CCSER1: variants seen among roughly 807,000 people sequenced by gnomAD.
CCSER1 encodes the protein coiled-coil serine rich protein 1.
CCSER1 carries 41 observed loss-of-function variants against 82.0 expected under a neutral mutation model. The ratio of observed to expected loss-of-function variants is 0.50; its 90% CI spans 0.39 to 0.65. The LOEUF is 0.65. Among genes scored for constraint, CCSER1 ranks in the 30% least tolerant of loss-of-function variants. The pLI is 0.00. For synonymous variants in CCSER1, 414 were observed against 383.9 expected, an observed-to-expected ratio of 1.08 and a Z score of -0.92; for missense variants, 1,119 against 1,064.2, an observed-to-expected ratio of 1.05 and a Z score of -0.72.
chr4:91,317,212 A>G (rs1578182582), intron 10 of CCSER1, among the ~76,000 whole-genome samples: 1 of 151,910 alleles, frequency 6.6e-6, no homozygotes, highest in Non-Finnish European at 1.5e-5. Context: ...AGAATGTGTA[A>G]CCCAACCAGG....
intron 6 of CCSER1, among the ~76,000 whole-genome samples, chr4:90,697,084 C>A (rs189248029): frequency 6.6e-6 from 1 of 152,094 alleles, no homozygotes; most frequent in Non-Finnish European, 1.5e-5. Context: ...ACTGTGGCTG[C>A]GTGTAAGGAA....
intron 5 of CCSER1, among the ~76,000 whole-genome samples, chr4:90,555,319 CAT>C: frequency 6.6e-6 from 1 of 152,222 alleles, no homozygotes; most frequent in Admixed American, 6.5e-5. Flanking sequence ...TCCAAAGACA[CAT>C]GTTTTGGCAA....
At chr4:90,849,023 A>AT (rs1438276642) in intron 8 of CCSER1, among the ~76,000 whole-genome samples, 2 of 152,262 alleles carry the variant, frequency 1.3e-5, no homozygotes, top group South Asian at 2.1e-4. Context: ...AGTCTCAGGT[A>AT]TTTTTTTATA....
At chr4:90,155,411 A>T (rs1382390378) in intron 1 of CCSER1, among the ~76,000 whole-genome samples, 4 of 152,014 alleles carry the variant, frequency 2.6e-5, no homozygotes, top group Admixed American at 6.6e-5. Context: ...GTTAGGGAGG[A>T]TTCCCTCTTT....
chr4:91,486,387 T>G (rs1317723736), intron 10 of CCSER1, among the ~76,000 whole-genome samples: 1 of 152,070 alleles, frequency 6.6e-6, no homozygotes, highest in Non-Finnish European at 1.5e-5. Context: ...AGAGACACTT[T>G]TTTGAAATAT....
intron 9 of CCSER1, among the ~76,000 whole-genome samples, chr4:91,004,662 A>G (rs1283397387): frequency 3.9e-5 from 6 of 152,232 alleles, no homozygotes; most frequent in Non-Finnish European, 7.3e-5. Context: ...TATCAGACAA[A>G]TATAATCTTA....
chr4:91,265,218 T>A (rs1366833392), intron 10 of CCSER1, among the ~76,000 whole-genome samples: 1 of 152,018 alleles, frequency 6.6e-6, no homozygotes, highest in Non-Finnish European at 1.5e-5. Context: ...TCTTTGGAAC[T>A]TTGATTAATT....
chr4:91,315,099 C>A (rs899577333), intron 10 of CCSER1, among the ~76,000 whole-genome samples: 1 of 151,644 alleles, frequency 6.6e-6, no homozygotes, highest in African/African-American at 2.4e-5. Context: ...TATTTATTTA[C>A]CCACTTCAGC....
chr4:91,094,005 G>A (rs1438464117), intron 10 of CCSER1, among the ~76,000 whole-genome samples: 1 of 152,178 alleles, frequency 6.6e-6, no homozygotes, highest in Non-Finnish European at 1.5e-5. Flanking sequence ...TTCTCTTTCC[G>A]AATAGTGAAT....
chr4:90,331,371 G>A (rs1739247171), intron 3 of CCSER1, among the ~76,000 whole-genome samples: 1 of 152,108 alleles, frequency 6.6e-6, no homozygotes, highest in Admixed American at 6.5e-5. Flanking sequence ...CTAACTATGT[G>A]CCCGTTATGC....
intron 7 of CCSER1, among the ~76,000 whole-genome samples, chr4:90,755,944 G>C (rs1276437187): frequency 2.0e-5 from 3 of 152,150 alleles, no homozygotes; most frequent in Non-Finnish European, 4.4e-5. Flanking sequence ...TGCATAAGAA[G>C]GCCAGCCACA....
chr4:91,087,908 A>G (rs1259303209), intron 10 of CCSER1, among the ~76,000 whole-genome samples: 2 of 152,112 alleles, frequency 1.3e-5, no homozygotes, highest in East Asian at 3.8e-4. Flanking sequence ...AACTTCAGGG[A>G]GGTATAAGAC....
Position 90,499,589 on chromosome 4 carries a change from ACTAT to A in CCSER1, c.1724+31240_1724+31243del, listed in dbSNP as rs988638051. Among the ~76,000 whole-genome samples, 7 of 152,044 alleles carry A rather than the reference ACTAT, an allele frequency of 4.6e-5. No individual in the cohort carries two copies. In the East Asian group the frequency reaches 7.7e-4, roughly 17 times the overall value. On this transcript the variant is annotated intron_variant, in intron 5 of 10. Transcript: ENST00000509176. ...ATGGTTTTGTTTTTATTTTTTTCACACTATCTATTTGCCTGAGCTTGTATGTCTT... is the reference window on the plus strand; with the variant it reads ...ATGGTTTTGTTTTTATTTTTTTCACACTATTTGCCTGAGCTTGTATGTCTT...
chr4:90,169,308 A>G (rs1236866024), intron 1 of CCSER1, among the ~76,000 whole-genome samples: 1 of 152,072 alleles, frequency 6.6e-6, no homozygotes, highest in East Asian at 1.9e-4. Context: ...AATGCTTATG[A>G]TTTTTGCACA....
At chr4:91,426,518 G>T (rs551338446) in intron 10 of CCSER1, among the ~76,000 whole-genome samples, 9 of 150,344 alleles carry the variant, frequency 6.0e-5, no homozygotes, top group Admixed American at 2.6e-4. Context: ...AAAAAAAAAA[G>T]AAAAGTAGTG....
intron 7 of CCSER1, among the ~76,000 whole-genome samples, chr4:90,815,493 CA>C (rs1461518009): frequency 6.7e-6 from 1 of 150,042 alleles, no homozygotes; most frequent in Non-Finnish European, 1.5e-5. Flanking sequence ...AAAAACAAAA[CA>C]AAAAACTAAG....
intron 3 of CCSER1, among the ~76,000 whole-genome samples, chr4:90,385,068 T>A (rs1277550725): frequency 6.6e-6 from 1 of 152,212 alleles, no homozygotes; most frequent in Non-Finnish European, 1.5e-5. Flanking sequence ...TATTTCATTC[T>A]TTTTTATGGA....
intron 10 of CCSER1, among the ~76,000 whole-genome samples, chr4:91,269,138 A>G (rs1031697436): frequency 2.3e-4 from 35 of 152,226 alleles, no homozygotes; most frequent in African/African-American, 8.2e-4. Flanking sequence ...TTATCACTGT[A>G]TGTCAACCAA....
intron 7 of CCSER1, among the ~76,000 whole-genome samples, chr4:90,774,992 G>A (rs899296018): frequency 3.9e-5 from 6 of 152,096 alleles, no homozygotes; most frequent in African/African-American, 1.4e-4. Context: ...GCTAATCAAT[G>A]TTGTAAATGA....
Sources: allele counts gnomAD v4.1 joint callset (sites outside exome capture counted in the v4.1 genomes callset), GRCh38; gene constraint gnomAD v4.1.1; transcripts MANE v1.5; gene names NCBI Gene and HGNC (gene_info 2026-07-23, HGNC 2026-07-21).